LAMA1: variants seen among roughly 807,000 people sequenced by gnomAD.
The protein encoded by LAMA1 is laminin subunit alpha-1.
LAMA1 carries 219 observed loss-of-function variants against 348.7 expected under a neutral mutation model. The observed-to-expected ratio is 0.63, with a 90% CI of 0.56 to 0.70. The LOEUF (loss-of-function observed/expected upper bound fraction) is 0.70, where lower values mean the gene tolerates loss of function less well. LAMA1 is among the 30% of genes least tolerant of loss of function. The pLI is 0.00. For missense variants in LAMA1, 3,744 were observed against 3,888.0 expected (o/e 0.96, Z 0.99); for synonymous variants, 1,487 against 1,491.0 (o/e 1.00, Z 0.06).
chr18:7,027,885 G>T (rs2057951653), intron 16 of LAMA1, among the ~76,000 whole-genome samples: 1 of 152,184 alleles, frequency 6.6e-6, no homozygotes, highest in South Asian at 2.1e-4. Flanking sequence ...AGAGGTTGCA[G>T]TGAGCCAAGA....
intron 49 of LAMA1, chr18:6,965,653 C>A (rs961465171): frequency 1.8e-5 from 10 of 565,022 alleles, no homozygotes; most frequent in Non-Finnish European, 2.8e-5. Context: ...TACCAAAATC[C>A]ACAATTCAGT....
At chr18:7,112,710 C>T (rs1352394744) in intron 1 of LAMA1, among the ~76,000 whole-genome samples, 1 of 150,792 alleles carries the variant, frequency 6.6e-6, no homozygotes, top group Non-Finnish European at 1.5e-5. Context: ...GATCTCGGCT[C>T]ACCACAACTT....
Position 7,023,149 on chromosome 18 carries a change from C to A in LAMA1, c.2701+15G>T, listed in dbSNP as rs74986202. The A allele has an allele frequency of 5.8e-5, 94 of 1,608,272 alleles. No homozygotes were observed. In the African/African-American group the frequency reaches 1.0e-3, roughly 18 times the overall value. On this transcript the variant is annotated intron_variant, in intron 19 of 62. Coordinates refer to ENST00000389658, the MANE Select transcript of LAMA1 (RefSeq NM_005559.4). ...GCAATAAACAGCTGACCTGACTTCACGCTCACGCACTCACCGCGGCAGTTC... is the reference window on the plus strand; with the variant it reads ...GCAATAAACAGCTGACCTGACTTCAAGCTCACGCACTCACCGCGGCAGTTC...
chr18:6,947,059 G>C (rs1890486804), intron 61 of LAMA1, 104 bp downstream of exon 61: 3 of 1,443,958 alleles, frequency 2.1e-6, no homozygotes, highest in Non-Finnish European at 2.9e-6. Flanking sequence ...ACCATTGTTT[G>C]ACTCCATGAA....
At chr18:7,003,219 G>C (rs558264479) in intron 29 of LAMA1, among the ~76,000 whole-genome samples, 4 of 150,794 alleles carry the variant, frequency 2.7e-5, no homozygotes, top group Non-Finnish European at 4.4e-5. Context: ...TTGGACCTAC[G>C]GTCTTGCTAT....
chr18:7,081,732 TGAA>T (rs1304432790), intron 1 of LAMA1, among the ~76,000 whole-genome samples: 1 of 152,220 alleles, frequency 6.6e-6, no homozygotes, highest in African/African-American at 2.4e-5. Context: ...TACGCGATGT[TGAA>T]GAGACATTCT....
chr18:7,020,206 G>A (rs934665269), intron 19 of LAMA1, among the ~76,000 whole-genome samples: 4 of 151,956 alleles, frequency 2.6e-5, no homozygotes, highest in Non-Finnish European at 2.9e-5. Context: ...CTCCCTCAGT[G>A]CTCTACTCTA....
intron 5 of LAMA1, among the ~76,000 whole-genome samples, chr18:7,048,300 C>A (rs1207291762): frequency 1.2e-4 from 18 of 152,182 alleles, no homozygotes; most frequent in Admixed American, 1.1e-3. Context: ...CCAATACACG[C>A]ACACAGGAAC....
In LAMA1 at chr18:7,010,947, C is replaced by T. The variant is rs192323992; in HGVS notation, c.3687+353G>A. 2.0e-5 allele frequency among the ~76,000 whole-genome samples: 3 copies of T among 152,312 alleles called. No individual in the cohort carries two copies. The East Asian group carries it at 5.8e-4, about 29-fold the overall frequency. On this transcript the variant is annotated intron_variant, in intron 25 of 62. Coordinates refer to ENST00000389658, the MANE Select transcript of LAMA1 (RefSeq NM_005559.4). ...GTCAATGACAAACCACATATACGAC[C>T]ATGGTCTCATGAGATTATAATAATA...
At chr18:7,024,266 A>G (rs1346775040) in intron 18 of LAMA1, 114 bp downstream of exon 18, 3 of 733,754 alleles carry the variant, frequency 4.1e-6, no homozygotes, top group Non-Finnish European at 7.0e-6. Flanking sequence ...ATTCTATGAA[A>G]TAACAATTAT....
chr18:7,094,947 T>A (rs2058254468), intron 1 of LAMA1, among the ~76,000 whole-genome samples: 2 of 152,310 alleles, frequency 1.3e-5, no homozygotes, highest in South Asian at 4.1e-4. Flanking sequence ...TTGAAGAAGT[T>A]CTAAATGAAT....
rs1301125811 is a variant in LAMA1, at chr18:6,952,305, C to T, written c.8208-1334G>A. On this transcript the variant is annotated intron_variant, in intron 57 of 62. Coordinates refer to ENST00000389658, the MANE Select transcript of LAMA1 (RefSeq NM_005559.4). ...CAGGGGGCTCCGCACCATGTAGCTG[C>T]ACAGGGGTCTCGAGTAACTCTCTCA... is the stretch of plus-strand genomic sequence containing the variant. Among the ~76,000 whole-genome samples, 9 of 152,166 alleles carry T rather than the reference C, an allele frequency of 5.9e-5. No individual in the cohort carries two copies. The East Asian group carries it at 1.7e-3, about 29-fold the overall frequency.
At chr18:6,942,477 G>A (rs538192944) in intron 62 of LAMA1, among the ~76,000 whole-genome samples, 138 of 151,894 alleles carry the variant, frequency 9.1e-4, no homozygotes, top group African/African-American at 2.7e-3. Context: ...GCAGTGGCGC[G>A]ATCTCGGCTC....
intron 3 of LAMA1, among the ~76,000 whole-genome samples, chr18:7,075,637 C>T (rs1043836555): frequency 3.4e-5 from 5 of 146,492 alleles, no homozygotes; most frequent in African/African-American, 5.1e-5. Context: ...AAAAAAATAA[C>T]GGAAGAAAGA....
chr18:7,050,184 C>G (rs1021644625), intron 4 of LAMA1, among the ~76,000 whole-genome samples: 1 of 152,178 alleles, frequency 6.6e-6, no homozygotes, highest in African/African-American at 2.4e-5. Context: ...CTGTGAAGAG[C>G]ACTGGAGAAT....
chr18:6,977,809 A>G lies in LAMA1; in HGVS notation c.6263T>C (p.Leu2088Ser). 1 of 1,614,200 alleles carries G rather than the reference A, an allele frequency of 6.2e-7. No homozygotes were observed. Among genetic ancestry groups the G allele is most frequent in the Non-Finnish European group, 8.5e-7 (1 of 1,180,032 alleles). ...GCTCAGATTCTCCTCTAACATCTTC[A>G]AAGGCTTCAACCGATCAAACAAAAG... ...ANLLFDRLKP[L>S]KMLEENLSRN... Residue 2088 changes from leucine (L) to serine (S), a missense_variant, in exon 44 of 63, where the codon TTG (leucine) becomes TCG (serine). Physicochemically the swap from Leu to Ser is moderately radical, Grantham distance 145. Around this residue, in one of 3 missense-constraint regions of LAMA1, gnomAD observed 1,983 missense variants for 1,934.3 expected, o/e 1.03. Transcript: ENST00000389658.
In LAMA1 at chr18:7,040,211, A is replaced by G. The variant is rs761052362; in HGVS notation, c.1287T>C (p.Cys429=). 1 of 1,614,212 alleles carries G rather than the reference A, an allele frequency of 6.2e-7. No individual in the cohort carries two copies. The highest frequency in any genetic ancestry group is 2.2e-5 in the East Asian group (1 of 44,878). ...ATTTTTCTCCTGTATAACCTTCCTT[A>G]CATGGGCACTGACCTGGCTGCTTCC... ...HNGKQPGQCP[C]KEGYTGEKCD... is the part of the protein sequence containing the mutation. The change falls in exon 10 of 63, where the codon TGT becomes TGC. Residue 429 remains cysteine (C), a synonymous_variant. Transcript: ENST00000389658.
At chr18:6,950,683 G>A in intron 58 of LAMA1, 99 bp downstream of exon 58, 1 of 1,340,618 alleles carries the variant, frequency 7.5e-7, no homozygotes, top group Non-Finnish European at 1.1e-6. Context: ...GCGAGATAGA[G>A]ATTAATGGGG....
At chr18:7,092,625 GGA>G (rs2081125823) in intron 1 of LAMA1, among the ~76,000 whole-genome samples, 1 of 104,728 alleles carries the variant, frequency 9.5e-6, no homozygotes, top group Non-Finnish European at 2.0e-5. Flanking sequence ...CTCTGTCTCG[GGA>G]AAAAAAAAAA....
Sources: gnomAD v4.1 joint callset for allele counts (sites outside exome capture counted in the v4.1 genomes callset) on GRCh38, gnomAD v4.1.1 for gene constraint, gnomAD v4.1.1 regional missense constraint, MANE v1.5 for transcripts, NCBI Gene and HGNC (gene_info 2026-07-23, HGNC 2026-07-21) for gene names.